The following ANKRD39 variants were observed in gnomAD, a reference collection of about 807,000 sequenced individuals.
The protein encoded by ANKRD39 is ankyrin repeat domain 39.
ANKRD39 carries 18 observed loss-of-function variants against 20.3 expected under a neutral mutation model. The ratio of observed to expected loss-of-function variants is 0.89; its 90% CI spans 0.61 to 1.32. The LOEUF (loss-of-function observed/expected upper bound fraction) is 1.32. ANKRD39 is among the 40% of genes most tolerant of loss of function. The pLI, the probability that ANKRD39 is intolerant of heterozygous loss-of-function variation, is 0.00. For synonymous variants in ANKRD39, 106 were observed against 111.9 expected (o/e 0.95, Z 0.33); for missense variants, 243 against 250.7 (o/e 0.97, Z 0.21).
rs1220603531 is a variant in ANKRD39, at chr2:96,853,489, C to T, written c.320G>A (p.Cys107Tyr). The T allele has an allele frequency of 6.2e-7, 1 of 1,612,082 alleles. No homozygotes were observed. The highest frequency in any genetic ancestry group is 8.5e-7 in the Non-Finnish European group (1 of 1,179,328). The change falls in exon 3 of 4, where the codon TGC (cysteine) becomes TAC (tyrosine). Residue 107 changes from cysteine to tyrosine, a missense_variant. Cys to Tyr is a radical substitution (Grantham distance 194). Coordinates refer to ENST00000393537, the MANE Select transcript of ANKRD39 (RefSeq NM_016466.6). ...GAGCCGCGCGATTTCAGTGTGCCCG[C>T]AGTAGCTGGCTCGGTGCAGAGCAGT... is the stretch of plus-strand genomic sequence containing the variant. ...GATALHRASY[C>Y]GHTEIARLLL...
intron 2 of ANKRD39, 21 bp downstream of exon 2, chr2:96,854,317 C>T: frequency 1.4e-5 from 22 of 1,611,594 alleles, no homozygotes; most frequent in Non-Finnish European, 1.8e-5. Flanking sequence ...TCTCCTGACC[C>T]TGTGCTCCTC....
At position 96,848,244 on chromosome 2, in the gene ANKRD39, G is replaced by A; in HGVS notation, c.*57C>T. Reference sequence around the variant, plus strand: ...GCAGCATGGATGCTGACCAAGGCAGGGGCTTGGAGAACTGGTCTGTGTACC... The same window carrying A: ...GCAGCATGGATGCTGACCAAGGCAGAGGCTTGGAGAACTGGTCTGTGTACC... On this transcript the variant is annotated 3_prime_UTR_variant, in exon 4 of 4. Transcript: ENST00000393537. The A allele has an allele frequency of 3.1e-6, 5 of 1,595,914 alleles. No homozygotes were observed. The highest frequency in any genetic ancestry group is 2.6e-6 in the Non-Finnish European group (3 of 1,167,376).
chr2:96,848,490 G>A lies in ANKRD39; in HGVS notation c.409-46C>T, dbSNP rs754978297. ...ATCAAAGGGCATACCCCCCCACTGG[G>A]CTCTGCTCTCTCTTGTTCCACTTTC... On this transcript the variant is annotated intron_variant, in intron 3 of 3. Transcript: ENST00000393537. 7 of 1,608,564 alleles carry A rather than the reference G, an allele frequency of 4.4e-6. No homozygotes were observed. In the Admixed American group the frequency reaches 1.0e-4, roughly 23 times the overall value.
At chr2:96,851,327 TGTATTTTTAGTAGAGAC>T (rs2079836165) in intron 3 of ANKRD39, among the ~76,000 whole-genome samples, 1 of 152,176 alleles carries the variant, frequency 6.6e-6, no homozygotes, top group African/African-American at 2.4e-5. Flanking sequence ...CGCCTAATTT[TGTATTTTTAGTAGAGAC>T]GGGGTTTCTC....
At chr2:96,856,026 G>C (rs1297318338) in intron 1 of ANKRD39, among the ~76,000 whole-genome samples, 1 of 151,676 alleles carries the variant, frequency 6.6e-6, no homozygotes, top group Non-Finnish European at 1.5e-5. Context: ...AGTTACTGTA[G>C]TGAAGCGGAT....
intron 3 of ANKRD39, among the ~76,000 whole-genome samples, chr2:96,849,662 T>TA (rs1195987399): frequency 8.6e-5 from 13 of 150,366 alleles, no homozygotes; most frequent in Non-Finnish European, 1.2e-4. Flanking sequence ...AAAATAAAAA[T>TA]AAAAAAAAAT....
intron 1 of ANKRD39, among the ~76,000 whole-genome samples, chr2:96,855,907 G>T (rs1026966798): frequency 6.6e-6 from 1 of 152,108 alleles, no homozygotes; most frequent in African/African-American, 2.4e-5. Flanking sequence ...GTGAACCTGG[G>T]AGGTGGAGCT....
chr2:96,848,541 G>A, intron 3 of ANKRD39, 97 bp from the exon 4 acceptor site: 1 of 1,493,964 alleles, frequency 6.7e-7, no homozygotes, highest in Middle Eastern at 1.8e-4. Flanking sequence ...TAAAAAAGAG[G>A]CCTCTCTGGG....
chr2:96,853,296 A>G, intron 3 of ANKRD39, 105 bp downstream of exon 3: 1 of 1,338,376 alleles, frequency 7.5e-7, no homozygotes, highest in Admixed American at 2.1e-5. Context: ...AAATGATTTT[A>G]ACTGTCTTCT....
rs368527629 is a variant in ANKRD39, at chr2:96,853,340, T to C, written c.408+61A>G. 63 of 1,508,608 alleles carry C rather than the reference T, an allele frequency of 4.2e-5. 3 individuals carry two copies. Among genetic ancestry groups the C allele is most frequent in the Admixed American group, 1.8e-4 (9 of 50,258 alleles). 93.5% of individuals were successfully genotyped at this position (1,508,608 alleles called of 1,614,324 possible). ...TCCTGTTTTCCCCATGTTTTCTACA[T>C]GAACATGTTATAACTTTAAAAATAA... On this transcript the variant is annotated intron_variant, in intron 3 of 3. Transcript: ENST00000393537.
chr2:96,855,520 C>T (rs939263859), intron 1 of ANKRD39, among the ~76,000 whole-genome samples: 4 of 152,056 alleles, frequency 2.6e-5, no homozygotes, highest in Admixed American at 2.6e-4. Flanking sequence ...GTCAGGAGAT[C>T]GAGACCATCC....
intron 2 of ANKRD39, 78 bp downstream of exon 2, chr2:96,854,260 C>G: frequency 7.2e-7 from 1 of 1,397,814 alleles, no homozygotes; most frequent in Non-Finnish European, 9.8e-7. Context: ...AGGTAACCAT[C>G]AGTCCCCCTC....
chr2:96,856,369 G>A (rs2079865168), intron 1 of ANKRD39, among the ~76,000 whole-genome samples: 1 of 150,680 alleles, frequency 6.6e-6, no homozygotes, highest in East Asian at 2.0e-4. Context: ...AGCTACTCAG[G>A]AGAATAGGAG....
At chr2:96,848,555 A>C in intron 3 of ANKRD39, 111 bp from the exon 4 acceptor site, 3 of 1,402,164 alleles carry the variant, frequency 2.1e-6, no homozygotes, top group Non-Finnish European at 2.9e-6. Flanking sequence ...CTCTGGGCGC[A>C]GTGGCTCACG....
At chr2:96,848,519 G>A in intron 3 of ANKRD39, 75 bp from the exon 4 acceptor site, 6 of 1,568,510 alleles carry the variant, frequency 3.8e-6, no homozygotes, top group Middle Eastern at 1.7e-4. Context: ...CACTTTCAGT[G>A]GTTCTTCCTT....
rs2079866591 is a variant in ANKRD39, at chr2:96,856,542, T to C, written c.100+1346A>G. ...GCCTAACTTTGGATAAGGCAATGTTTACTTCTTAACAGCACAATTGACACT... is the reference window on the plus strand; with the variant it reads ...GCCTAACTTTGGATAAGGCAATGTTCACTTCTTAACAGCACAATTGACACT... On this transcript the variant is annotated intron_variant, in intron 1 of 3. Coordinates refer to ENST00000393537, the MANE Select transcript of ANKRD39 (RefSeq NM_016466.6). Among the ~76,000 whole-genome samples, 5 of 152,092 alleles carry C rather than the reference T, an allele frequency of 3.3e-5. No homozygotes were observed. In the South Asian group the frequency reaches 1.0e-3, roughly 32 times the overall value.
chr2:96,849,297 C>T (rs1007915032), intron 3 of ANKRD39, among the ~76,000 whole-genome samples: 6 of 152,088 alleles, frequency 3.9e-5, no homozygotes, highest in Admixed American at 1.3e-4. Flanking sequence ...AGATTGCAGG[C>T]GTGCACCACT....
intron 1 of ANKRD39, among the ~76,000 whole-genome samples, chr2:96,856,517 G>A (rs1199630628): frequency 6.6e-6 from 1 of 151,366 alleles, no homozygotes; most frequent in African/African-American, 2.4e-5. Flanking sequence ...AGAGTAACTG[G>A]CCTAACTTTG....
chr2:96,857,766 C>G (rs2079872779), intron 1 of ANKRD39, 122 bp downstream of exon 1: 8 of 1,058,760 alleles, frequency 7.6e-6, no homozygotes, highest in Non-Finnish European at 1.1e-5. Flanking sequence ...CCTTCCCGCA[C>G]CAGGCCCCAA....
Sources: allele counts gnomAD v4.1 joint callset (sites outside exome capture counted in the v4.1 genomes callset), GRCh38; gene constraint gnomAD v4.1.1; transcripts MANE v1.5; gene names NCBI Gene and HGNC (gene_info 2026-07-23, HGNC 2026-07-21).